The following SORCS1 variants were observed in gnomAD, a reference collection of about 807,000 sequenced individuals.
The protein encoded by SORCS1 is VPS10 domain-containing receptor SorCS1.
A neutral mutation model predicts 146.1 loss-of-function variants in SORCS1; 60 were observed. The ratio of observed to expected loss-of-function variants is 0.41; its 90% CI spans 0.33 to 0.51. The LOEUF is 0.51. SORCS1 is among the 20% of genes least tolerant of loss of function. The pLI, the probability that SORCS1 is intolerant of heterozygous loss-of-function variation, is 0.21. For synonymous variants in SORCS1, 637 were observed against 584.0 expected (o/e 1.09, Z -1.31); for missense variants, 1,352 against 1,487.6 (o/e 0.91, Z 1.50).
At chr10:106,936,989 G>C (rs1953752208) in intron 2 of SORCS1, among the ~76,000 whole-genome samples, 1 of 152,090 alleles carries the variant, frequency 6.6e-6, no homozygotes, top group African/African-American at 2.4e-5. Context: ...AAATGCAGAA[G>C]TACTAATAAC....
chr10:107,032,255 T>G (rs1172759988), intron 1 of SORCS1, among the ~76,000 whole-genome samples: 2 of 152,122 alleles, frequency 1.3e-5, no homozygotes, highest in African/African-American at 2.4e-5. Context: ...GGGACTAATT[T>G]AAGCAAGAAA....
In SORCS1 at chr10:107,149,824, C is replaced by T. The variant is rs545068776; in HGVS notation, c.558+14145G>A. Among the ~76,000 whole-genome samples the T allele has an allele frequency of 5.2e-4, 79 of 152,320 alleles. 1 individual carries two copies. Among genetic ancestry groups the T allele is most frequent in the African/African-American group, 1.6e-3 (65 of 41,554 alleles). ...ACAATGAAGAAAGTGTTCAACCAGT[C>T]ACAGCTTGGTGATTGTGCTAACAAC... On this transcript the variant is annotated intron_variant, in intron 1 of 25. Coordinates refer to ENST00000263054, the MANE Select transcript of SORCS1 (RefSeq NM_052918.5).
chr10:106,853,874 G>C (rs1378738995), intron 2 of SORCS1, among the ~76,000 whole-genome samples: 1 of 151,976 alleles, frequency 6.6e-6, no homozygotes, highest in Non-Finnish European at 1.5e-5. Flanking sequence ...GGTTCAGAAA[G>C]TGGTCTGTCT....
chr10:106,904,015 A>T (rs1441663996), intron 2 of SORCS1, among the ~76,000 whole-genome samples: 1 of 152,164 alleles, frequency 6.6e-6, no homozygotes, highest in African/African-American at 2.4e-5. Flanking sequence ...TCTCTTGAAA[A>T]ACACAGCTGT....
At chr10:106,912,194 T>C (rs1276421110) in intron 2 of SORCS1, among the ~76,000 whole-genome samples, 1 of 152,072 alleles carries the variant, frequency 6.6e-6, no homozygotes, top group African/African-American at 2.4e-5. Flanking sequence ...AGGTTAACTG[T>C]GGCCAGACGG....
Position 106,926,875 on chromosome 10 carries a change from AGAGAG to A in SORCS1, c.626+29633_626+29637del, listed in dbSNP as rs745902504. On this transcript the variant is annotated intron_variant, in intron 2 of 25. Coordinates refer to ENST00000263054, the MANE Select transcript of SORCS1 (RefSeq NM_052918.5). ...CACACACACACACACACAGAGAGAG[AGAGAG>A]AGAGAGAGAGAGAGAGAGAATGACA... Among the ~76,000 whole-genome samples the A allele has an allele frequency of 2.5e-3, 319 of 127,160 alleles. 4 individuals are homozygous for A. The highest frequency in any genetic ancestry group is 2.8e-3 in the Non-Finnish European group (165 of 59,404). The allele number at this position is 127,160 out of a possible 152,430, so 83.4% of individuals were successfully genotyped here. A position where few individuals can be genotyped will look rare whatever the true frequency, so the allele number is the denominator to read the frequency against.
At chr10:106,853,487 C>A (rs948474023) in intron 2 of SORCS1, among the ~76,000 whole-genome samples, 6 of 146,646 alleles carry the variant, frequency 4.1e-5, no homozygotes, top group East Asian at 2.0e-4. Flanking sequence ...TTTATTATTT[C>A]TTTTCTTCTG....
At chr10:106,865,103 C>G (rs539883967) in intron 2 of SORCS1, among the ~76,000 whole-genome samples, 2 of 152,060 alleles carry the variant, frequency 1.3e-5, no homozygotes, top group East Asian at 3.9e-4. Flanking sequence ...GAATCAGACC[C>G]CTGGCACAGC....
At chr10:106,919,887 T>A (rs79095508) in intron 2 of SORCS1, among the ~76,000 whole-genome samples, 1,650 of 152,338 alleles carry the variant, frequency 0.011, 31 homozygotes, top group African/African-American at 0.035. Context: ...TTTGATCAAG[T>A]TAAACAATAT....
intron 1 of SORCS1, among the ~76,000 whole-genome samples, chr10:107,124,822 G>C (rs1966609627): frequency 6.6e-6 from 1 of 152,104 alleles, no homozygotes; most frequent in Non-Finnish European, 1.5e-5. Flanking sequence ...AACTCACAGA[G>C]CAGACAGCAT....
At chr10:106,940,036 A>G (rs1316753294) in intron 2 of SORCS1, among the ~76,000 whole-genome samples, 1 of 152,234 alleles carries the variant, frequency 6.6e-6, no homozygotes, top group Non-Finnish European at 1.5e-5. Context: ...GCCAGACATT[A>G]CATTTGTATT....
chr10:106,760,710 A>AACACACACAC (rs58948425), intron 5 of SORCS1, among the ~76,000 whole-genome samples: 3 of 148,582 alleles, frequency 2.0e-5, no homozygotes, highest in African/African-American at 7.4e-5. Flanking sequence ...CACACACACT[A>AACACACACAC]ACACACACAC....
upstream of SORCS1, among the ~76,000 whole-genome samples, chr10:107,167,737 T>C (rs1265495258): frequency 6.6e-6 from 1 of 152,006 alleles, no homozygotes; most frequent in East Asian, 1.9e-4. Flanking sequence ...TATTTAATTA[T>C]TGATTAATAT....
At chr10:106,880,801 A>G (rs1371684423) in intron 2 of SORCS1, among the ~76,000 whole-genome samples, 1 of 152,124 alleles carries the variant, frequency 6.6e-6, no homozygotes, top group Admixed American at 6.5e-5. Context: ...TTTCGAAAGC[A>G]GAATAAGCCG....
At chr10:106,620,287 G>C in intron 20 of SORCS1, 141 bp downstream of exon 20, 2 of 1,018,354 alleles carry the variant, frequency 2.0e-6, no homozygotes, top group South Asian at 1.9e-5. Context: ...TGAGATACTT[G>C]AGCACCAAGG....
chr10:106,877,577 G>T (rs1262964740), intron 2 of SORCS1, among the ~76,000 whole-genome samples: 1 of 152,102 alleles, frequency 6.6e-6, no homozygotes, highest in East Asian at 1.9e-4. Flanking sequence ...GCAAAAACAT[G>T]GGTAATGTTT....
At chr10:106,830,190 A>C (rs1948478772) in intron 2 of SORCS1, among the ~76,000 whole-genome samples, 1 of 152,184 alleles carries the variant, frequency 6.6e-6, no homozygotes, top group South Asian at 2.1e-4. Context: ...AGATTTCATG[A>C]ATTTCATACT....
intron 1 of SORCS1, among the ~76,000 whole-genome samples, chr10:106,984,905 A>C (rs146589815): frequency 5.5e-4 from 83 of 152,140 alleles, no homozygotes; most frequent in African/African-American, 1.8e-3. Flanking sequence ...TAGGGCAAGC[A>C]GGCCGGGTGC....
At chr10:107,059,370 T>A (rs1960952898) in intron 1 of SORCS1, among the ~76,000 whole-genome samples, 1 of 152,236 alleles carries the variant, frequency 6.6e-6, no homozygotes, top group Non-Finnish European at 1.5e-5. Context: ...CTACACAATC[T>A]TATTTTTCAA....
Sources: allele counts gnomAD v4.1 joint callset (sites outside exome capture counted in the v4.1 genomes callset), GRCh38; gene constraint gnomAD v4.1.1; transcripts MANE v1.5; gene names NCBI Gene and HGNC (gene_info 2026-07-23, HGNC 2026-07-21).